Variants in PRKCE observed in about 807,000 individuals in gnomAD.
PRKCE encodes protein kinase C epsilon.
A neutral mutation model predicts 85.4 loss-of-function variants in PRKCE; 16 were observed. That is an observed-to-expected ratio of 0.19 (90% confidence interval 0.13 to 0.28). The LOEUF is 0.28. Among genes scored for constraint, PRKCE ranks in the 10% least tolerant of loss-of-function variants. The pLI, the probability that PRKCE is intolerant of heterozygous loss-of-function variation, is 1.00. For missense variants in PRKCE, 573 were observed against 975.2 expected, an observed-to-expected ratio of 0.59 and a Z score of 5.49; for synonymous variants, 388 against 371.5, an observed-to-expected ratio of 1.04 and a Z score of -0.51.
At chr2:45,733,910 G>A (rs997582656) in intron 1 of PRKCE, among the ~76,000 whole-genome samples, 2 of 152,308 alleles carry the variant, frequency 1.3e-5, no homozygotes, top group Non-Finnish European at 2.9e-5. Flanking sequence ...TGTGCACATG[G>A]CATTCATTGT....
At chr2:46,090,575 G>A (rs1574445374) in intron 11 of PRKCE, among the ~76,000 whole-genome samples, 1 of 152,130 alleles carries the variant, frequency 6.6e-6, no homozygotes. Flanking sequence ...TAATCCAGTG[G>A]ATTGCTACCT....
At chr2:45,952,008 T>C (rs1700655510) in intron 2 of PRKCE, among the ~76,000 whole-genome samples, 2 of 152,190 alleles carry the variant, frequency 1.3e-5, no homozygotes, top group Non-Finnish European at 2.9e-5. Context: ...AACTTTTGCA[T>C]TTTTAATAGA....
intron 10 of PRKCE, among the ~76,000 whole-genome samples, chr2:46,049,779 T>C (rs943221190): frequency 6.6e-5 from 10 of 152,240 alleles, no homozygotes; most frequent in African/African-American, 2.4e-4. Flanking sequence ...CAGTTCCTTG[T>C]GTTACACATC....
chr2:45,809,011 C>T (rs1208653361), intron 1 of PRKCE, among the ~76,000 whole-genome samples: 1 of 152,122 alleles, frequency 6.6e-6, no homozygotes, highest in East Asian at 1.9e-4. Flanking sequence ...TGAGAGTCCT[C>T]GTCTACCCTG....
chr2:45,988,684 C>T (rs1304533473), intron 6 of PRKCE, among the ~76,000 whole-genome samples: 1 of 152,200 alleles, frequency 6.6e-6, no homozygotes, highest in Admixed American at 6.5e-5. Context: ...ACTCAAGTGC[C>T]TGCTGCGTCT....
At chr2:45,808,627 C>G (rs958679453) in intron 1 of PRKCE, among the ~76,000 whole-genome samples, 20 of 152,214 alleles carry the variant, frequency 1.3e-4, no homozygotes, top group African/African-American at 4.8e-4. Context: ...CCCCTACCGT[C>G]TGGCACTGGG....
intron 2 of PRKCE, among the ~76,000 whole-genome samples, chr2:45,892,004 G>A (rs1378210670): frequency 6.6e-6 from 1 of 152,180 alleles, no homozygotes; most frequent in African/African-American, 2.4e-5. Flanking sequence ...CCTGTTGGAA[G>A]GCAAAGGCCA....
At chr2:45,914,763 G>A (rs1697636826) in intron 2 of PRKCE, among the ~76,000 whole-genome samples, 1 of 152,072 alleles carries the variant, frequency 6.6e-6, no homozygotes, top group South Asian at 2.1e-4. Flanking sequence ...TATTGGTTTG[G>A]CATACATAGG....
intron 1 of PRKCE, among the ~76,000 whole-genome samples, chr2:45,773,854 G>T (rs1426427802): frequency 1.3e-5 from 2 of 152,178 alleles, no homozygotes; most frequent in African/African-American, 4.8e-5. Context: ...TGGGGCTCCT[G>T]TACCTACGGC....
chr2:46,084,506 G>C (rs993441551), intron 10 of PRKCE, among the ~76,000 whole-genome samples: 1 of 152,054 alleles, frequency 6.6e-6, no homozygotes, highest in East Asian at 1.9e-4. Flanking sequence ...GGTGGATCAC[G>C]AGGTCAGGAG....
intron 11 of PRKCE, among the ~76,000 whole-genome samples, chr2:46,109,159 A>G (rs972488610): frequency 6.6e-6 from 1 of 152,052 alleles, no homozygotes; most frequent in African/African-American, 2.4e-5. Flanking sequence ...TTCTTCAGTA[A>G]TGTTTTGGGT....
At chr2:45,782,758 T>C (rs923326234) in intron 1 of PRKCE, among the ~76,000 whole-genome samples, 1 of 151,810 alleles carries the variant, frequency 6.6e-6, no homozygotes, top group African/African-American at 2.4e-5. Flanking sequence ...ACTATATATA[T>C]ATACACACAC....
intron 11 of PRKCE, among the ~76,000 whole-genome samples, chr2:46,097,306 C>CA (rs992834425): frequency 6.6e-6 from 1 of 152,066 alleles, no homozygotes; most frequent in African/African-American, 2.4e-5. Context: ...ATCACAAGGT[C>CA]AGGAGATCGA....
chr2:45,839,821 C>G (rs1691200509), intron 1 of PRKCE, among the ~76,000 whole-genome samples: 1 of 152,252 alleles, frequency 6.6e-6, no homozygotes, highest in South Asian at 2.1e-4. Context: ...TGGGGCTTGG[C>G]TGGCGATCTG....
chr2:46,103,362 T>C (rs1671415863), intron 11 of PRKCE, among the ~76,000 whole-genome samples: 1 of 152,178 alleles, frequency 6.6e-6, no homozygotes. Flanking sequence ...GCTTCTTTTA[T>C]TGGAGAATGG....
intron 1 of PRKCE, among the ~76,000 whole-genome samples, chr2:45,747,248 C>G (rs1201973265): frequency 1.3e-5 from 2 of 152,146 alleles, no homozygotes; most frequent in Non-Finnish European, 2.9e-5. Context: ...TGTAACCATT[C>G]TTAAGTTTAT....
chr2:45,811,884 T>A (rs976332997), intron 1 of PRKCE, among the ~76,000 whole-genome samples: 2 of 152,344 alleles, frequency 1.3e-5, no homozygotes, highest in East Asian at 3.9e-4. Flanking sequence ...TGCTAGCTGT[T>A]ATAGATGTTT....
chr2:45,932,056 G>C (rs1042694350), intron 2 of PRKCE, among the ~76,000 whole-genome samples: 1 of 152,144 alleles, frequency 6.6e-6, no homozygotes, highest in Admixed American at 6.5e-5. Context: ...CCAGCATCCA[G>C]ATGGAGAAAG....
intron 2 of PRKCE, among the ~76,000 whole-genome samples, chr2:45,877,840 A>G (rs904895896): frequency 1.3e-5 from 2 of 152,156 alleles, no homozygotes; most frequent in African/African-American, 4.8e-5. Context: ...CTTGAACCTT[A>G]CATTTGTTTT....
Sources: gnomAD v4.1 joint callset for allele counts (sites outside exome capture counted in the v4.1 genomes callset) on GRCh38, gnomAD v4.1.1 for gene constraint, MANE v1.5 for transcripts, NCBI Gene and HGNC (gene_info 2026-07-23, HGNC 2026-07-21) for gene names.